The following RNF8 variants were observed in gnomAD, a reference collection of about 807,000 sequenced individuals.
RNF8 encodes ring finger protein 8.
In RNF8, 8 loss-of-function variants were observed where a neutral mutation model predicts 59.3. The observed-to-expected ratio is 0.13, with a 90% CI of 0.08 to 0.24. RNF8 has a LOEUF of 0.24. RNF8 is among the 10% of genes least tolerant of loss of function. The pLI is 1.00. For missense variants in RNF8, 406 were observed against 572.6 expected (o/e 0.71, Z 2.97); for synonymous variants, 162 against 200.0 (o/e 0.81, Z 1.60).
intron 2 of RNF8, among the ~76,000 whole-genome samples, chr6:37,364,664 A>T (rs1425320241): frequency 6.6e-6 from 1 of 152,378 alleles, no homozygotes; most frequent in Non-Finnish European, 1.5e-5. Flanking sequence ...CTAAGAGTCA[A>T]ATATATACTT....
At chr6:37,377,795 C>T (rs1324722103) in intron 6 of RNF8, among the ~76,000 whole-genome samples, 4 of 152,176 alleles carry the variant, frequency 2.6e-5, no homozygotes, top group Non-Finnish European at 2.9e-5. Flanking sequence ...AAAATGTGGT[C>T]ACTTTGGGAA....
chr6:37,378,406 G>C lies in RNF8; in HGVS notation c.1236+1373G>C, dbSNP rs185050280. Among the ~76,000 whole-genome samples the C allele has an allele frequency of 1.8e-3, 267 of 152,222 alleles. 1 individual carries two copies. Among genetic ancestry groups the C allele is most frequent in the Non-Finnish European group, 2.7e-3 (185 of 68,004 alleles). Reference sequence around the variant, plus strand: ...ACCTGAGGTCAAGAGTTCAAGATCAGCCTGGTCAACGTGGCAAAACCCCAT... The same window carrying C: ...ACCTGAGGTCAAGAGTTCAAGATCACCCTGGTCAACGTGGCAAAACCCCAT... On this transcript the variant is annotated intron_variant, in intron 6 of 7. Coordinates refer to ENST00000373479, the MANE Select transcript of RNF8 (RefSeq NM_003958.4).
At position 37,382,959 on chromosome 6, in the gene RNF8, C is replaced by T. The variant is rs187493306; in HGVS notation, c.1441+1605C>T. On this transcript the variant is annotated intron_variant, in intron 7 of 7. Coordinates refer to ENST00000373479, the MANE Select transcript of RNF8 (RefSeq NM_003958.4). ...CTGCACTCCAGCCTGGATGACAGAG[C>T]GGGACTCTGTCTCAAAAAAAAAAAA... Among the ~76,000 whole-genome samples, 64 of 146,558 alleles carry T rather than the reference C, an allele frequency of 4.4e-4. No homozygotes were observed. The East Asian group carries it at 0.011, about 26-fold the overall frequency.
chr6:37,373,635 T>C (rs1769895367), intron 4 of RNF8, among the ~76,000 whole-genome samples: 1 of 152,176 alleles, frequency 6.6e-6, no homozygotes, highest in African/African-American at 2.4e-5. Context: ...CTCAAACTCC[T>C]GAGCTCAAGC....
At chr6:37,361,294 T>G (rs1399251909) in intron 2 of RNF8, 1 of 454,736 alleles carries the variant, frequency 2.2e-6, no homozygotes, top group African/African-American at 2.0e-5. Context: ...CATTCTGGTG[T>G]CTGCCTTAAG....
chr6:37,355,714 A>C (rs1439636287), intron 1 of RNF8, among the ~76,000 whole-genome samples: 6 of 152,188 alleles, frequency 3.9e-5, no homozygotes, highest in Non-Finnish European at 8.8e-5. Context: ...CTCTGCCTCC[A>C]AATACCTCTT....
rs1211238187 is a variant in RNF8, at chr6:37,394,352, G to A, written c.*3594G>A. 1 of 152,188 alleles carries A rather than the reference G, an allele frequency of 6.6e-6. No individual in the cohort carries two copies. Among genetic ancestry groups the A allele is most frequent in the Non-Finnish European group, 1.5e-5 (1 of 68,026 alleles). 9.4% of individuals were successfully genotyped at this position (152,188 alleles called of 1,614,324 possible). ...GGGAGTTGAGGCAGTAGGAGTGTGG[G>A]GTTCTTGGGAAGACGATGGGGCCTT... is the stretch of plus-strand genomic sequence containing the variant. On this transcript the variant is annotated 3_prime_UTR_variant, in exon 8 of 8. Coordinates refer to ENST00000373479, the MANE Select transcript of RNF8 (RefSeq NM_003958.4).
At chr6:37,388,341 C>T (rs910566505) in intron 7 of RNF8, among the ~76,000 whole-genome samples, 1 of 152,158 alleles carries the variant, frequency 6.6e-6, no homozygotes, top group Non-Finnish European at 1.5e-5. Flanking sequence ...GTAGTTGGAG[C>T]AGACAAATTT....
intron 6 of RNF8, among the ~76,000 whole-genome samples, chr6:37,379,708 C>T (rs1401798643): frequency 6.6e-6 from 1 of 151,974 alleles, no homozygotes; most frequent in Non-Finnish European, 1.5e-5. Flanking sequence ...CTTTTTTTGC[C>T]CAGCATTTTT....
At position 37,390,867 on chromosome 6, in the gene RNF8, G is replaced by A; in HGVS notation, c.*109G>A. 6.3e-7 allele frequency: 1 copy of A among 1,593,908 alleles called. No homozygotes were observed. Among genetic ancestry groups the A allele is most frequent in the Non-Finnish European group, 8.6e-7 (1 of 1,161,726 alleles). On this transcript the variant is annotated 3_prime_UTR_variant, in exon 8 of 8. Transcript: ENST00000373479. ...CGCTGCTCTGAAGGTCAACTGAGAA[G>A]TCTTGTGGGACAGAGACTTGAGTTA...
At chr6:37,379,191 T>A (rs370430883) in intron 6 of RNF8, among the ~76,000 whole-genome samples, 3 of 152,088 alleles carry the variant, frequency 2.0e-5, no homozygotes, top group African/African-American at 7.2e-5. Flanking sequence ...TTTTTTTGTA[T>A]TTTTAGTAGA....
intron 2 of RNF8, among the ~76,000 whole-genome samples, chr6:37,366,012 G>A (rs923661800): frequency 2.0e-5 from 3 of 152,156 alleles, no homozygotes; most frequent in Admixed American, 6.5e-5. Context: ...GGAGAATTTT[G>A]AGTTTACCTT....
intron 7 of RNF8, among the ~76,000 whole-genome samples, chr6:37,390,394 G>A (rs1489462239): frequency 1.3e-5 from 2 of 152,186 alleles, no homozygotes; most frequent in African/African-American, 2.4e-5. Flanking sequence ...GCCATGTAGG[G>A]AAAGAGGGAA....
intron 4 of RNF8, 88 bp from the exon 5 acceptor site, chr6:37,374,532 A>T (rs980673830): frequency 1.9e-4 from 176 of 931,804 alleles, no homozygotes; most frequent in Non-Finnish European, 2.8e-4. Context: ...AAAGTCACTA[A>T]CTAGAGGGAG....
At position 37,385,875 on chromosome 6, in the gene RNF8, A is replaced by G. The variant is rs572927466; in HGVS notation, c.1441+4521A>G. On this transcript the variant is annotated intron_variant, in intron 7 of 7. Transcript: ENST00000373479. ...TTGTCATTTTTTTTTTTTTTTTTGA[A>G]AAAGGCTGGTGTGCAGTGGCATGAT... 8.3e-5 allele frequency among the ~76,000 whole-genome samples: 12 copies of G among 144,764 alleles called. No homozygotes were observed. In the South Asian group the frequency reaches 1.9e-3, roughly 23 times the overall value. The allele number at this position is 144,764 out of a possible 152,430, so 95.0% of individuals were successfully genotyped here. A position where few individuals can be genotyped will look rare whatever the true frequency, so the allele number is the denominator to read the frequency against.
chr6:37,367,063 C>A (rs770293940), intron 2 of RNF8, among the ~76,000 whole-genome samples: 1 of 152,206 alleles, frequency 6.6e-6, no homozygotes, highest in Non-Finnish European at 1.5e-5. Flanking sequence ...ATTTACCTTG[C>A]GTGACATTGA....
chr6:37,376,764 A>G (rs1245998790), intron 5 of RNF8, among the ~76,000 whole-genome samples, 162 bp from the exon 6 acceptor site: 1 of 152,216 alleles, frequency 6.6e-6, no homozygotes, highest in African/African-American at 2.4e-5. Flanking sequence ...ATTATTGAAA[A>G]ACAATAAGCC....
chr6:37,354,686 G>T lies in RNF8; in HGVS notation c.111+411G>T, dbSNP rs536160516. ...CCGGGGACTGGGAGGAGAGGGACGC[G>T]CAGGGAACGTGAGGAGATGCGGGGG... On this transcript the variant is annotated intron_variant, in intron 1 of 7. Coordinates refer to ENST00000373479, the MANE Select transcript of RNF8 (RefSeq NM_003958.4). 8.6e-5 allele frequency among the ~76,000 whole-genome samples: 13 copies of T among 151,298 alleles called. No individual in the cohort carries two copies. The South Asian group carries it at 1.9e-3, about 22-fold the overall frequency.
At chr6:37,374,562 C>A in intron 4 of RNF8, 58 bp from the exon 5 acceptor site, 1 of 1,319,150 alleles carries the variant, frequency 7.6e-7, no homozygotes, top group Non-Finnish European at 1.1e-6. Context: ...ATGTTTGTGG[C>A]TAAAAGGAAG....
Sources: allele counts gnomAD v4.1 joint callset (sites outside exome capture counted in the v4.1 genomes callset), GRCh38; gene constraint gnomAD v4.1.1; transcripts MANE v1.5; gene names NCBI Gene and HGNC (gene_info 2026-07-23, HGNC 2026-07-21).